Variants in MSTO1 observed in about 807,000 individuals in gnomAD.
MSTO1 encodes the protein misato mitochondrial distribution and morphology regulator 1.
MSTO1 carries 24 observed loss-of-function variants against 55.7 expected under a neutral mutation model. The observed-to-expected ratio is 0.43, with a 90% CI of 0.31 to 0.61. MSTO1 has a LOEUF of 0.61. Ranked by LOEUF, MSTO1 falls within the 20% of genes least tolerant of loss-of-function variation. The pLI is 0.09. For synonymous variants in MSTO1, 162 were observed against 252.8 expected (o/e 0.64, Z 3.41); for missense variants, 363 against 625.7 (o/e 0.58, Z 4.48).
At position 155,611,323 on chromosome 1, in the gene MSTO1, G is replaced by A. The variant is rs551779712; in HGVS notation, c.366+32G>A. ...GCCTCTGTCCTGAACTTTTTAACCCGGTGCCACAACCCGAGGGTCTCCATA... is the reference window on the plus strand; with the variant it reads ...GCCTCTGTCCTGAACTTTTTAACCCAGTGCCACAACCCGAGGGTCTCCATA... On this transcript the variant is annotated intron_variant, in intron 4 of 13. Transcript: ENST00000245564. 103 of 1,613,760 alleles carry A rather than the reference G, an allele frequency of 6.4e-5. 1 individual carries two copies. The highest frequency in any genetic ancestry group is 3.3e-4 in the South Asian group (30 of 91,042).
upstream of MSTO1, among the ~76,000 whole-genome samples, chr1:155,606,874 G>A (rs567183188): frequency 3.3e-5 from 5 of 151,566 alleles, no homozygotes; most frequent in Admixed American, 1.3e-4. Context: ...TCCATCTGTC[G>A]CACAGGCTGG....
In MSTO1 at chr1:155,610,225, G is replaced by T. The variant is rs535768101; in HGVS notation, c.-24G>T. The T allele has an allele frequency of 1.3e-5, 8 of 608,648 alleles. No individual in the cohort carries two copies. Among genetic ancestry groups the T allele is most frequent in the South Asian group, 9.5e-5 (5 of 52,444 alleles). The allele number at this position is 608,648 out of a possible 1,614,324, so 37.7% of individuals were successfully genotyped here. On this transcript the variant is annotated 5_prime_UTR_variant, in exon 1 of 14. Transcript: ENST00000245564. ...GCAGCGAGCGGCGCGGCTGAGGCGC[G>T]GCGGCCCCGTGGAGCAGCGCAGTAT... is the stretch of plus-strand genomic sequence containing the variant.
the MSTO1 span, among the ~76,000 whole-genome samples, chr1:155,582,667 G>A: frequency 6.6e-6 from 1 of 151,762 alleles, no homozygotes; most frequent in Non-Finnish European, 1.5e-5. Flanking sequence ...CACCATCTTG[G>A]CCAGGCTGAT....
At chr1:155,577,789 G>C in the MSTO1 span, among the ~76,000 whole-genome samples, 1 of 152,250 alleles carries the variant, frequency 6.6e-6, no homozygotes, top group Admixed American at 6.5e-5. Context: ...TGTCACCCAG[G>C]TTGGAGTGGA....
At chr1:155,574,534 C>T in the MSTO1 span, among the ~76,000 whole-genome samples, 12 of 152,238 alleles carry the variant, frequency 7.9e-5, no homozygotes, top group East Asian at 1.5e-3. Context: ...CTTCGTACTA[C>T]GTTTGCAACT....
intron 11 of MSTO1, 43 bp from the exon 12 acceptor site, chr1:155,613,419 A>G: frequency 6.2e-7 from 1 of 1,612,162 alleles, no homozygotes; most frequent in African/African-American, 1.3e-5. Flanking sequence ...TTTCTTATTC[A>G]TGCAGCCACA....
chr1:155,597,338 C>G, the MSTO1 span, among the ~76,000 whole-genome samples: 135 of 150,580 alleles, frequency 9.0e-4, no homozygotes, highest in African/African-American at 3.1e-3. Context: ...GGCATAGTGG[C>G]GGGCGCCTGT....
chr1:155,578,344 T>C, the MSTO1 span, among the ~76,000 whole-genome samples: 1 of 95,672 alleles, frequency 1.0e-5, no homozygotes, highest in Non-Finnish European at 2.1e-5. Flanking sequence ...TTCTTTTTTT[T>C]TTTTTTTTTT....
rs761007286 is a variant in MSTO1 at position 155,613,423 on chromosome 1, A to C, written c.1284-39A>C. On this transcript the variant is annotated intron_variant, in intron 11 of 13. Coordinates refer to ENST00000245564, the MANE Select transcript of MSTO1 (RefSeq NM_018116.4). ...TAAGAATTCTGTTTCTTATTCATGC[A>C]GCCACAGACTAATGGTGGTTTTGGC... 7 of 1,605,768 alleles carry C rather than the reference A, an allele frequency of 4.4e-6. No homozygotes were observed. In the African/African-American group the frequency reaches 6.9e-5, roughly 16 times the overall value.
At chr1:155,586,322 C>T in the MSTO1 span, among the ~76,000 whole-genome samples, 5 of 151,462 alleles carry the variant, frequency 3.3e-5, no homozygotes, top group South Asian at 2.1e-4. Flanking sequence ...GGATTACAGG[C>T]GTGAGCCACC....
chr1:155,590,047 G>A, the MSTO1 span, among the ~76,000 whole-genome samples: 2 of 151,110 alleles, frequency 1.3e-5, no homozygotes, highest in East Asian at 3.9e-4. Flanking sequence ...AGTGTTGGAG[G>A]TGGGGGCGGG....
At chr1:155,578,860 G>A in the MSTO1 span, among the ~76,000 whole-genome samples, 1 of 135,974 alleles carries the variant, frequency 7.4e-6, no homozygotes, top group African/African-American at 2.8e-5. Flanking sequence ...ACGAGGTTTC[G>A]CCATATTGGC....
At chr1:155,566,711 G>A in the MSTO1 span, among the ~76,000 whole-genome samples, 4 of 151,816 alleles carry the variant, frequency 2.6e-5, no homozygotes, top group African/African-American at 7.3e-5. Flanking sequence ...CGCCTCCCGG[G>A]TTCAAGCAAT....
chr1:155,578,414 C>G, the MSTO1 span, among the ~76,000 whole-genome samples: 1 of 133,538 alleles, frequency 7.5e-6, no homozygotes, highest in Non-Finnish European at 1.5e-5. Flanking sequence ...TCTTGGCTCA[C>G]TGCAACCTCC....
chr1:155,592,507 A>G, the MSTO1 span, among the ~76,000 whole-genome samples: 1 of 152,186 alleles, frequency 6.6e-6, no homozygotes, highest in Admixed American at 6.5e-5. Flanking sequence ...GCTGTAATTT[A>G]CAGTTATACA....
the MSTO1 span, chr1:155,563,731 G>A: frequency 2.8e-6 from 1 of 361,470 alleles, no homozygotes; most frequent in East Asian, 7.3e-5. Flanking sequence ...ATCAAAAAGT[G>A]TACATAAAAA....
chr1:155,563,820 G>GGCATAGGGAAAGT, the MSTO1 span: 7 of 346,460 alleles, frequency 2.0e-5, no homozygotes, highest in South Asian at 1.6e-4. Context: ...TTAGCTCCTA[G>GGCATAGGGAAAGT]GCATAGGGAA....
chr1:155,563,282 G>T, the MSTO1 span: 3 of 456,150 alleles, frequency 6.6e-6, no homozygotes, highest in East Asian at 6.9e-5. Flanking sequence ...CTGGTCGCAG[G>T]CGGTGTGTGC....
chr1:155,583,998 A>C, the MSTO1 span, among the ~76,000 whole-genome samples: 24 of 151,880 alleles, frequency 1.6e-4, no homozygotes, highest in African/African-American at 5.6e-4. Context: ...ACCACTATAG[A>C]CTCTGTGTAG....
Sources: gnomAD v4.1 joint callset for allele counts (sites outside exome capture counted in the v4.1 genomes callset) on GRCh38, gnomAD v4.1.1 for gene constraint, MANE v1.5 for transcripts, NCBI Gene and HGNC (gene_info 2026-07-23, HGNC 2026-07-21) for gene names.